KATNAL2: variants seen among roughly 807,000 people sequenced by gnomAD.
KATNAL2 encodes katanin p60 ATPase-containing subunit A-like 2.
Under a neutral mutation model 76.3 loss-of-function variants are expected in KATNAL2, and 52 were observed. The ratio of observed to expected loss-of-function variants is 0.68; its 90% CI spans 0.55 to 0.86. The LOEUF is 0.86. Ranked by LOEUF, KATNAL2 falls within the 40% of genes least tolerant of loss-of-function variation. KATNAL2 has a pLI of 0.00. For synonymous variants in KATNAL2, 243 were observed against 244.2 expected (o/e 1.00, Z 0.05); for missense variants, 660 against 668.9 (o/e 0.99, Z 0.15).
intron 1 of KATNAL2, among the ~76,000 whole-genome samples, chr18:46,919,011 G>A (rs1479094463): frequency 1.2e-3 from 161 of 137,784 alleles, no homozygotes; most frequent in African/African-American, 2.9e-3. Context: ...ATATATATGT[G>A]TGTGTGTGTG....
At chr18:47,068,414 T>C (rs2061884072) in intron 11 of KATNAL2, among the ~76,000 whole-genome samples, 1 of 152,228 alleles carries the variant, frequency 6.6e-6, no homozygotes, top group Non-Finnish European at 1.5e-5. Flanking sequence ...AGAAATACAC[T>C]AGTGTTCAGA....
At chr18:47,068,286 T>C (rs1296152539) in intron 11 of KATNAL2, among the ~76,000 whole-genome samples, 2 of 152,214 alleles carry the variant, frequency 1.3e-5, no homozygotes, top group African/African-American at 2.4e-5. Flanking sequence ...TATTTAGTCT[T>C]AAACCACTGA....
intron 15 of KATNAL2, chr18:47,084,537 G>A: frequency 1.6e-6 from 1 of 616,210 alleles, no homozygotes; most frequent in Non-Finnish European, 2.9e-6. Flanking sequence ...CCCCAGCAGG[G>A]TTGCTCAATG....
intron 3 of KATNAL2, chr18:47,033,441 G>C (rs267605191): frequency 6.2e-7 from 1 of 1,613,858 alleles, no homozygotes. Flanking sequence ...GAAGCCGCAG[G>C]TACTGCTCCC....
chr18:47,036,099 C>CT (rs1356809639), intron 3 of KATNAL2, among the ~76,000 whole-genome samples: 3 of 152,128 alleles, frequency 2.0e-5, no homozygotes, highest in African/African-American at 7.2e-5. Flanking sequence ...TCCAAGAAAT[C>CT]TTTTTTCCAT....
At chr18:47,076,551 G>C (rs1403215072) in intron 14 of KATNAL2, 1 of 152,166 alleles carries the variant, frequency 6.6e-6, no homozygotes, top group Non-Finnish European at 1.5e-5. Context: ...CTAATGTGAA[G>C]ACTCTTCATC....
intron 1 of KATNAL2, among the ~76,000 whole-genome samples, chr18:46,936,625 T>C (rs974828342): frequency 6.6e-6 from 1 of 152,044 alleles, no homozygotes; most frequent in Non-Finnish European, 1.5e-5. Flanking sequence ...ATTTTAAAAC[T>C]ATTTACCTGA....
intron 11 of KATNAL2, among the ~76,000 whole-genome samples, chr18:47,068,310 C>T (rs146526558): frequency 3.7e-4 from 56 of 152,338 alleles, no homozygotes; most frequent in Admixed American, 9.1e-4. Context: ...CATGTGGCCC[C>T]TGATTTTTGG....
rs766094211 is a variant in KATNAL2, at chr18:47,100,911, C to T, written c.1523C>T (p.Ala508Val). The stretch of plus-strand genomic sequence containing the variant: ...ATCCAGTTGGATATAGTAACCACTG[C>T]CGACTTTCTGGATGTGCTAACTCAC... ...PRIQLDIVTT[A>V]DFLDVLTHTK... is the part of the protein sequence containing the mutation. The change falls in exon 18 of 18, where the codon GCC becomes GTC. Residue 508 changes from alanine to valine, a missense_variant. Transcript: ENST00000683218. 6 of 1,614,066 alleles carry T rather than the reference C, an allele frequency of 3.7e-6. No individual in the cohort carries two copies. The South Asian group carries it at 6.6e-5, about 18-fold the overall frequency.
At chr18:46,925,936 T>G (rs948195584) in intron 1 of KATNAL2, among the ~76,000 whole-genome samples, 7 of 152,148 alleles carry the variant, frequency 4.6e-5, no homozygotes, top group Non-Finnish European at 8.8e-5. Flanking sequence ...TGATATCCCC[T>G]TTATCATTTT....
chr18:47,085,437 A>G (rs1229306733), intron 15 of KATNAL2, among the ~76,000 whole-genome samples: 1 of 152,204 alleles, frequency 6.6e-6, no homozygotes, highest in Non-Finnish European at 1.5e-5. Flanking sequence ...CCTAAAGCTA[A>G]TGCAAGACCA....
intron 6 of KATNAL2, 133 bp downstream of exon 6, chr18:47,054,571 G>C: frequency 1.2e-6 from 1 of 845,888 alleles, no homozygotes; most frequent in Non-Finnish European, 1.9e-6. Flanking sequence ...ACCTGGCCCA[G>C]CCCAGGACTT....
At chr18:47,100,473 T>C (rs534275305) in intron 17 of KATNAL2, 117 bp downstream of exon 17, 1 of 769,606 alleles carries the variant, frequency 1.3e-6, no homozygotes, top group East Asian at 2.7e-5. Flanking sequence ...ATGCGTTTTT[T>C]GGTCAAATCA....
intron 3 of KATNAL2, among the ~76,000 whole-genome samples, chr18:46,956,229 G>A (rs980214490): frequency 6.6e-6 from 1 of 152,130 alleles, no homozygotes; most frequent in African/African-American, 2.4e-5. Flanking sequence ...TTAACAGTAA[G>A]GCAAATATGC....
chr18:47,095,773 A>G (rs938373876), intron 15 of KATNAL2, among the ~76,000 whole-genome samples: 1 of 152,260 alleles, frequency 6.6e-6, no homozygotes, highest in Non-Finnish European at 1.5e-5. Flanking sequence ...CAAGGGGAAC[A>G]GCATCATTCT....
intron 13 of KATNAL2, 59 bp from the exon 14 acceptor site, chr18:47,075,218 A>G: frequency 7.5e-7 from 1 of 1,339,902 alleles, no homozygotes; most frequent in Non-Finnish European, 1.0e-6. Flanking sequence ...TTACTCTGGG[A>G]GCATCTGAGG....
intron 15 of KATNAL2, among the ~76,000 whole-genome samples, chr18:47,093,532 CTTT>C (rs912115319): frequency 6.8e-6 from 1 of 147,886 alleles, no homozygotes; most frequent in African/African-American, 2.5e-5. Flanking sequence ...GTTTGTGTGT[CTTT>C]TTTTTTCTTT....
At chr18:46,942,212 T>A (rs571678279) in intron 1 of KATNAL2, among the ~76,000 whole-genome samples, 66 of 149,118 alleles carry the variant, frequency 4.4e-4, no homozygotes, top group African/African-American at 1.6e-3. Context: ...TGTTTTGTTC[T>A]CCATATATTT....
intron 15 of KATNAL2, among the ~76,000 whole-genome samples, chr18:47,083,145 A>G (rs2062609753): frequency 6.6e-6 from 1 of 152,186 alleles, no homozygotes. Flanking sequence ...TTTCCTTAGG[A>G]CAGATTTCCG....
Sources: gnomAD v4.1 joint callset for allele counts (sites outside exome capture counted in the v4.1 genomes callset) on GRCh38, gnomAD v4.1.1 for gene constraint, MANE v1.5 for transcripts, NCBI Gene and HGNC (gene_info 2026-07-23, HGNC 2026-07-21) for gene names.